Variants in KCND2 observed in about 807,000 individuals in gnomAD.
The protein encoded by KCND2 is potassium voltage-gated channel subfamily D member 2.
KCND2 carries 16 observed loss-of-function variants against 54.4 expected under a neutral mutation model. The observed-to-expected ratio is 0.29, with a 90% CI of 0.20 to 0.45. The LOEUF (loss-of-function observed/expected upper bound fraction) is 0.45. KCND2 is among the 20% of genes least tolerant of loss of function. KCND2 has a pLI of 1.00. For missense variants in KCND2, 486 were observed against 824.2 expected (o/e 0.59, Z 5.02); for synonymous variants, 317 against 310.7 (o/e 1.02, Z -0.21).
intron 1 of KCND2, among the ~76,000 whole-genome samples, chr7:120,711,632 CATTA>C (rs1241840695): frequency 2.6e-5 from 4 of 152,100 alleles, no homozygotes; most frequent in African/African-American, 7.2e-5. Flanking sequence ...GAAGACTTGA[CATTA>C]ATTATTTGTA....
chr7:120,651,322 C>T (rs1419329147), intron 1 of KCND2, among the ~76,000 whole-genome samples: 1 of 150,600 alleles, frequency 6.6e-6, no homozygotes, highest in Non-Finnish European at 1.5e-5. Context: ...ATGGTGGGTG[C>T]CCCTCCCCAA....
chr7:120,454,078 C>T (rs1401070740), intron 1 of KCND2, among the ~76,000 whole-genome samples: 5 of 151,970 alleles, frequency 3.3e-5, no homozygotes, highest in South Asian at 2.1e-4. Context: ...AGCGAGACTC[C>T]GTCTCAAAAG....
At chr7:120,294,527 A>C (rs2116282244) in intron 1 of KCND2, among the ~76,000 whole-genome samples, 1 of 151,998 alleles carries the variant, frequency 6.6e-6, no homozygotes, top group South Asian at 2.1e-4. Context: ...TAATATAAAA[A>C]GTTATGATTA....
rs1799142253 is a variant in KCND2 at position 120,274,533 on chromosome 7, C to G, written c.-100C>G. ...TTACACCTCTGGACCACGTTTCTCA[C>G]TAGTACTTTGCTTGACTGGAGGAAG... On this transcript the variant is annotated 5_prime_UTR_variant, in exon 1 of 6. Transcript: ENST00000331113. 2 of 1,349,486 alleles carry G rather than the reference C, an allele frequency of 1.5e-6. No individual in the cohort carries two copies. Among genetic ancestry groups the G allele is most frequent in the East Asian group, 2.3e-5 (1 of 43,682 alleles). 83.6% of individuals were successfully genotyped at this position (1,349,486 alleles called of 1,614,324 possible). A position where few individuals can be genotyped will look rare whatever the true frequency, so the allele number is the denominator to read the frequency against.
At chr7:120,586,080 T>G (rs1446716402) in intron 1 of KCND2, among the ~76,000 whole-genome samples, 2 of 152,118 alleles carry the variant, frequency 1.3e-5, no homozygotes, top group Non-Finnish European at 2.9e-5. Flanking sequence ...GATTGTTTTT[T>G]CTATATAGGA....
At chr7:120,285,602 A>G (rs1052587641) in intron 1 of KCND2, among the ~76,000 whole-genome samples, 1 of 151,964 alleles carries the variant, frequency 6.6e-6, no homozygotes, top group Non-Finnish European at 1.5e-5. Context: ...ATTCAAATGA[A>G]TATTTTTCCA....
chr7:120,413,320 T>C (rs1417694977), intron 1 of KCND2, among the ~76,000 whole-genome samples: 1 of 152,020 alleles, frequency 6.6e-6, no homozygotes, highest in Non-Finnish European at 1.5e-5. Flanking sequence ...TTCATTTAGA[T>C]AAATTATTTT....
chr7:120,319,853 A>G (rs1248979777), intron 1 of KCND2, among the ~76,000 whole-genome samples: 2 of 152,034 alleles, frequency 1.3e-5, no homozygotes, highest in Admixed American at 6.6e-5. Flanking sequence ...TTTTTAATCT[A>G]TATATTCTAA....
In KCND2 at chr7:120,330,212, A is replaced by G. The variant is rs190426371; in HGVS notation, c.1115+54465A>G. ...CTCTCTAAAATGAAGGTAGTAAAATACCTACTGTAGGTGAACGTAGTGAGG... is the reference window on the plus strand; with the variant it reads ...CTCTCTAAAATGAAGGTAGTAAAATGCCTACTGTAGGTGAACGTAGTGAGG... On this transcript the variant is annotated intron_variant, in intron 1 of 5. Coordinates refer to ENST00000331113, the MANE Select transcript of KCND2 (RefSeq NM_012281.3). Among the ~76,000 whole-genome samples, 3 of 152,232 alleles carry G rather than the reference A, an allele frequency of 2.0e-5. No homozygotes were observed. The East Asian group carries it at 5.8e-4, about 29-fold the overall frequency.
intron 1 of KCND2, among the ~76,000 whole-genome samples, chr7:120,319,370 A>T (rs1799859528): frequency 6.6e-6 from 1 of 152,100 alleles, no homozygotes; most frequent in Admixed American, 6.6e-5. Flanking sequence ...AAAAAATGGG[A>T]CACATACCTT....
intron 1 of KCND2, among the ~76,000 whole-genome samples, chr7:120,344,277 G>A (rs1264441274): frequency 6.6e-6 from 1 of 152,048 alleles, no homozygotes; most frequent in Non-Finnish European, 1.5e-5. Flanking sequence ...AGACTGTACC[G>A]CCTACTCAGA....
intron 1 of KCND2, among the ~76,000 whole-genome samples, chr7:120,633,197 C>G (rs572559386): frequency 2.6e-5 from 4 of 152,154 alleles, no homozygotes; most frequent in Non-Finnish European, 5.9e-5. Context: ...AATTTGTCCC[C>G]TACTGCTTTT....
intron 1 of KCND2, among the ~76,000 whole-genome samples, chr7:120,427,731 C>A (rs1356698410): frequency 6.6e-6 from 1 of 152,062 alleles, no homozygotes; most frequent in Non-Finnish European, 1.5e-5. Flanking sequence ...ATTTTTAAAT[C>A]AAAAATCAGG....
Position 120,350,029 on chromosome 7 carries a change from T to A in KCND2, c.1115+74282T>A, listed in dbSNP as rs144856984. On this transcript the variant is annotated intron_variant, in intron 1 of 5. Transcript: ENST00000331113. ...TCTATGTTATTTATTGGATAAGACT[T>A]TTATAACTTTATATAACATAAAGAA... is the stretch of plus-strand genomic sequence containing the variant. Among the ~76,000 whole-genome samples the A allele has an allele frequency of 3.4e-3, 518 of 152,046 alleles. 3 individuals are homozygous for A. Among genetic ancestry groups the A allele is most frequent in the African/African-American group, 0.012 (494 of 41,454 alleles).
chr7:120,388,600 C>G (rs1360485783), intron 1 of KCND2, among the ~76,000 whole-genome samples: 1 of 151,864 alleles, frequency 6.6e-6, no homozygotes, highest in Non-Finnish European at 1.5e-5. Context: ...AGTTGGAAAA[C>G]TTTAAATCCA....
intron 1 of KCND2, among the ~76,000 whole-genome samples, chr7:120,595,534 T>C (rs867878876): frequency 2.6e-4 from 38 of 144,984 alleles, no homozygotes; most frequent in African/African-American, 8.8e-4. Flanking sequence ...TATATGTGTA[T>C]ATATATGTAT....
intron 1 of KCND2, among the ~76,000 whole-genome samples, chr7:120,704,565 A>T (rs921243685): frequency 6.6e-6 from 1 of 152,218 alleles, no homozygotes; most frequent in Admixed American, 6.5e-5. Context: ...TATTGACCAG[A>T]TCACTGATTT....
chr7:120,652,996 AGATG>A (rs1206929448), intron 1 of KCND2, among the ~76,000 whole-genome samples: 1 of 152,056 alleles, frequency 6.6e-6, no homozygotes, highest in Non-Finnish European at 1.5e-5. Flanking sequence ...GCAAGACCTG[AGATG>A]GATGGAAGAG....
intron 1 of KCND2, among the ~76,000 whole-genome samples, chr7:120,556,631 A>G (rs1212871068): frequency 6.6e-6 from 1 of 152,154 alleles, no homozygotes; most frequent in Non-Finnish European, 1.5e-5. Flanking sequence ...TTTACTCACT[A>G]TGACATTTTA....
Sources: allele counts gnomAD v4.1 joint callset (sites outside exome capture counted in the v4.1 genomes callset), GRCh38; gene constraint gnomAD v4.1.1; transcripts MANE v1.5; gene names NCBI Gene and HGNC (gene_info 2026-07-23, HGNC 2026-07-21).